The following TNFSF4 variants were observed in gnomAD, a reference collection of about 807,000 sequenced individuals.
TNFSF4 encodes the protein TNF superfamily member 4, also known as tumor necrosis factor ligand superfamily member 4.
In TNFSF4, 4 loss-of-function variants were observed where a neutral mutation model predicts 7.3. The observed-to-expected ratio is 0.55, with a 90% CI of 0.27 to 1.25. The LOEUF is 1.25. Among genes scored for constraint, TNFSF4 ranks in the 50% most tolerant of loss-of-function variants. TNFSF4 has a pLI of 0.12. For missense variants in TNFSF4, 181 were observed against 208.8 expected, an observed-to-expected ratio of 0.87 and a Z score of 0.82; for synonymous variants, 76 against 83.7, an observed-to-expected ratio of 0.91 and a Z score of 0.50.
chr1:173,259,992 C>T, the TNFSF4 span, among the ~76,000 whole-genome samples: 1 of 152,030 alleles, frequency 6.6e-6, no homozygotes, highest in Non-Finnish European at 1.5e-5. Flanking sequence ...TCCAGAGAAC[C>T]CCACTAAGAT....
chr1:173,423,551 C>A, the TNFSF4 span, among the ~76,000 whole-genome samples: 3 of 152,128 alleles, frequency 2.0e-5, no homozygotes, highest in Non-Finnish European at 4.4e-5. Context: ...GATAAAGGGG[C>A]AACTGCAGTG....
the TNFSF4 span, among the ~76,000 whole-genome samples, chr1:173,261,627 T>TA: frequency 1.3e-5 from 2 of 151,870 alleles, no homozygotes; most frequent in African/African-American, 4.8e-5. Context: ...ATAGACATAA[T>TA]AAAAAATGAT....
chr1:173,324,396 C>A, the TNFSF4 span, among the ~76,000 whole-genome samples: 23 of 152,280 alleles, frequency 1.5e-4, no homozygotes, highest in African/African-American at 2.6e-4. Flanking sequence ...CCAGTACCAG[C>A]CACTGCAAAA....
chr1:173,179,634 G>A (rs912453476), downstream of TNFSF4, among the ~76,000 whole-genome samples: 3 of 152,102 alleles, frequency 2.0e-5, no homozygotes, highest in African/African-American at 7.2e-5. Context: ...TAAGATACAA[G>A]TTTTTTTATC....
chr1:173,294,937 G>A, the TNFSF4 span, among the ~76,000 whole-genome samples: 184 of 151,844 alleles, frequency 1.2e-3, no homozygotes, highest in Admixed American at 2.1e-3. Flanking sequence ...ATTTTTTAAC[G>A]GGCAAAATAT....
the TNFSF4 span, among the ~76,000 whole-genome samples, chr1:173,321,497 G>A: frequency 6.6e-6 from 1 of 152,008 alleles, no homozygotes; most frequent in African/African-American, 2.4e-5. Flanking sequence ...TTAAACTAAA[G>A]AGCTTCTGTA....
chr1:173,290,809 G>A, the TNFSF4 span, among the ~76,000 whole-genome samples: 2 of 151,874 alleles, frequency 1.3e-5, no homozygotes, highest in Non-Finnish European at 2.9e-5. Flanking sequence ...GCACATACTC[G>A]AAGACCAACC....
intron 1 of TNFSF4, among the ~76,000 whole-genome samples, chr1:173,199,752 G>A (rs1426430389): frequency 2.6e-5 from 4 of 152,160 alleles, no homozygotes; most frequent in African/African-American, 9.7e-5. Context: ...TGTATAGAGT[G>A]TGCAAATTAC....
At chr1:173,189,497 C>T (rs1440782090) in intron 1 of TNFSF4, among the ~76,000 whole-genome samples, 4 of 152,040 alleles carry the variant, frequency 2.6e-5, no homozygotes, top group Non-Finnish European at 5.9e-5. Context: ...GCTTTAAAAA[C>T]CTAACTTGAA....
At chr1:173,203,945 T>TTGGTTTTGGTG (rs1361366577) in intron 1 of TNFSF4, among the ~76,000 whole-genome samples, 5 of 152,166 alleles carry the variant, frequency 3.3e-5, no homozygotes, top group Admixed American at 1.3e-4. Context: ...ACAGTGTGTA[T>TTGGTTTTGGTG]TGGTTTTGGT....
chr1:173,323,584 G>A, the TNFSF4 span, among the ~76,000 whole-genome samples: 4 of 152,104 alleles, frequency 2.6e-5, no homozygotes, highest in East Asian at 1.9e-4. Context: ...GAGGAAGTTC[G>A]AACCAATGGC....
At chr1:173,295,278 A>G in the TNFSF4 span, among the ~76,000 whole-genome samples, 1 of 152,052 alleles carries the variant, frequency 6.6e-6, no homozygotes, top group African/African-American at 2.4e-5. Context: ...TCACACAAAA[A>G]TATGTATGTT....
chr1:173,398,356 A>T, the TNFSF4 span, among the ~76,000 whole-genome samples: 2 of 151,674 alleles, frequency 1.3e-5, no homozygotes, highest in African/African-American at 2.4e-5. Context: ...CAGAGGATGG[A>T]AAATAAATTC....
At chr1:173,286,820 A>C in the TNFSF4 span, among the ~76,000 whole-genome samples, 10 of 152,164 alleles carry the variant, frequency 6.6e-5, no homozygotes. Flanking sequence ...CACAAAAATA[A>C]GACAGTTTCC....
the TNFSF4 span, among the ~76,000 whole-genome samples, chr1:173,448,963 T>A: frequency 1.3e-5 from 2 of 152,204 alleles, no homozygotes; most frequent in Non-Finnish European, 2.9e-5. Context: ...AAAGTTTGGA[T>A]GTGTGTCTCC....
At chr1:173,428,106 C>T in the TNFSF4 span, among the ~76,000 whole-genome samples, 581 of 152,184 alleles carry the variant, frequency 3.8e-3, 5 homozygotes, top group Non-Finnish European at 6.2e-3. Context: ...CCACCACACC[C>T]GGCTACTTTT....
the TNFSF4 span, among the ~76,000 whole-genome samples, chr1:173,301,624 A>T: frequency 1.3e-5 from 2 of 151,828 alleles, no homozygotes; most frequent in Non-Finnish European, 2.9e-5. Flanking sequence ...GTTGAACACC[A>T]TAGGTCATCT....
At chr1:173,390,668 G>T in the TNFSF4 span, among the ~76,000 whole-genome samples, 5 of 149,766 alleles carry the variant, frequency 3.3e-5, no homozygotes, top group Non-Finnish European at 7.4e-5. Context: ...CTTCAACTTT[G>T]TAAGCAAGTG....
chr1:173,426,195 G>C, the TNFSF4 span, among the ~76,000 whole-genome samples: 2 of 152,202 alleles, frequency 1.3e-5, no homozygotes, highest in Non-Finnish European at 2.9e-5. Context: ...ATTATAGGGA[G>C]TGGGGCTCAA....
Sources: gnomAD v4.1 joint callset for allele counts (sites outside exome capture counted in the v4.1 genomes callset) on GRCh38, gnomAD v4.1.1 for gene constraint, MANE v1.5 for transcripts, NCBI Gene and HGNC (gene_info 2026-07-23, HGNC 2026-07-21) for gene names.